NEBL: variants seen among roughly 807,000 people sequenced by gnomAD.
NEBL encodes nebulette.
In NEBL, 122 loss-of-function variants were observed where a neutral mutation model predicts 140.2. The ratio of observed to expected loss-of-function variants is 0.87; its 90% CI spans 0.75 to 1.01. The LOEUF is 1.01. NEBL is among the 50% of genes least tolerant of loss of function. NEBL has a pLI of 0.00. For missense variants in NEBL, 1,365 were observed against 1,231.3 expected (o/e 1.11, Z -1.62); for synonymous variants, 436 against 398.9 (o/e 1.09, Z -1.11).
In NEBL at chr10:21,291,628, A is replaced by C. The variant is rs1843145022; in HGVS notation, n.182+1202T>G. Among the ~76,000 whole-genome samples, 2 of 151,976 alleles carry C rather than the reference A, an allele frequency of 1.3e-5. 1 individual carries two copies. The highest frequency in any genetic ancestry group is 4.2e-4 in the South Asian group (2 of 4,818). ...GATGATGGCAATTATGAAAAATAAA[A>C]ACCAGACCAGGCGCAGTGGCTCACA... On this transcript the variant is annotated intron_variant and non_coding_transcript_variant, in intron 1 of 8. Coordinates refer to the NEBL transcript ENST00000675702.
At chr10:20,864,907 T>G (rs964682019) in intron 7 of NEBL, among the ~76,000 whole-genome samples, 1 of 152,166 alleles carries the variant, frequency 6.6e-6, no homozygotes, top group African/African-American at 2.4e-5. Flanking sequence ...TTATAAAATC[T>G]TATATGACAT....
chr10:21,137,252 T>G (rs1839395088), intron 2 of NEBL, among the ~76,000 whole-genome samples: 1 of 152,210 alleles, frequency 6.6e-6, no homozygotes, highest in African/African-American at 2.4e-5. Flanking sequence ...ATATATTTTT[T>G]CAAAGTATCT....
At chr10:21,240,224 C>T (rs1289277144) in intron 3 of NEBL, among the ~76,000 whole-genome samples, 3 of 152,140 alleles carry the variant, frequency 2.0e-5, no homozygotes, top group Admixed American at 2.0e-4. Context: ...TTGGATTCTC[C>T]CTGTATTTCT....
At chr10:21,054,382 C>T (rs1834917480) in intron 2 of NEBL, among the ~76,000 whole-genome samples, 1 of 152,200 alleles carries the variant, frequency 6.6e-6, no homozygotes, top group South Asian at 2.1e-4. Flanking sequence ...AGGTGACTAG[C>T]TGGCATTGTC....
intron 3 of NEBL, among the ~76,000 whole-genome samples, chr10:21,222,589 T>A (rs1433785350): frequency 6.6e-6 from 1 of 152,206 alleles, no homozygotes; most frequent in African/African-American, 2.4e-5. Context: ...TTGTGTTACT[T>A]TTTTAATTTT....
At chr10:20,898,367 T>C (rs916826570), upstream of NEBL, among the ~76,000 whole-genome samples, 3 of 152,058 alleles carry the variant, frequency 2.0e-5, no homozygotes, top group Non-Finnish European at 4.4e-5. Context: ...TACAAATTTA[T>C]TAAAAATAGT....
chr10:20,887,154 G>A (rs947681094), intron 4 of NEBL, among the ~76,000 whole-genome samples: 3 of 152,196 alleles, frequency 2.0e-5, no homozygotes, highest in African/African-American at 7.2e-5. Context: ...AAATGCAATA[G>A]ATTAAGAATG....
intron 5 of NEBL, among the ~76,000 whole-genome samples, chr10:20,872,059 G>A (rs1844996645): frequency 6.6e-6 from 1 of 152,174 alleles, no homozygotes; most frequent in African/African-American, 2.4e-5. Flanking sequence ...AGAAAAGAAT[G>A]AGGGTAAAAA....
At chr10:21,017,849 A>C (rs1414604832) in intron 3 of NEBL, among the ~76,000 whole-genome samples, 1 of 149,172 alleles carries the variant, frequency 6.7e-6, no homozygotes, top group East Asian at 2.0e-4. Context: ...CCCAAAATAG[A>C]GTCTTGCTCT....
intron 2 of NEBL, among the ~76,000 whole-genome samples, chr10:21,104,202 TCTAA>T (rs1837606950): frequency 6.6e-6 from 1 of 152,354 alleles, no homozygotes; most frequent in East Asian, 1.9e-4. Context: ...CTATAAGTGT[TCTAA>T]CTTTGTTCTT....
At chr10:20,889,971 A>G (rs892208860) in intron 2 of NEBL, 22 bp from the exon 3 acceptor site, 7 of 1,465,672 alleles carry the variant, frequency 4.8e-6, no homozygotes, top group African/African-American at 1.4e-5. Context: ...AATGATTTAC[A>G]TAAGAAGAGA....
At chr10:20,986,093 A>G (rs988049838) in intron 3 of NEBL, among the ~76,000 whole-genome samples, 1 of 152,210 alleles carries the variant, frequency 6.6e-6, no homozygotes, top group South Asian at 2.1e-4. Context: ...TGCTAAATGG[A>G]AAATACATCA....
intron 3 of NEBL, among the ~76,000 whole-genome samples, chr10:20,974,215 C>T (rs1328010644): frequency 6.6e-6 from 1 of 151,792 alleles, no homozygotes; most frequent in Non-Finnish European, 1.5e-5. Flanking sequence ...AATTCAAATA[C>T]TTCGTAAACT....
chr10:21,221,463 A>C (rs1842065976), intron 3 of NEBL, among the ~76,000 whole-genome samples: 2 of 152,212 alleles, frequency 1.3e-5, no homozygotes, highest in Non-Finnish European at 2.9e-5. Flanking sequence ...CATTCTTTCA[A>C]GTCCTACCTA....
chr10:21,250,212 G>C (rs191370320), intron 2 of NEBL, among the ~76,000 whole-genome samples: 144 of 152,316 alleles, frequency 9.5e-4, no homozygotes, highest in Non-Finnish European at 1.6e-3. Context: ...TCCATGAGCT[G>C]AGAAAGGCAG....
upstream of NEBL, among the ~76,000 whole-genome samples, chr10:21,176,600 T>C (rs1435651020): frequency 6.6e-6 from 1 of 152,198 alleles, no homozygotes; most frequent in Non-Finnish European, 1.5e-5. Flanking sequence ...CAGAAACCTG[T>C]CCTCTAGCCA....
rs142369910 is a variant in NEBL at position 21,243,182 on chromosome 10, A to C, written n.348+4739T>G. ...GGAAGTGTCTACTGAGTGAGATTAA[A>C]ATCATGGTAGACATCCATTCAAGAT... On this transcript the variant is annotated intron_variant and non_coding_transcript_variant, in intron 3 of 8. Coordinates refer to the NEBL transcript ENST00000675702. Among the ~76,000 whole-genome samples, 375 of 152,234 alleles carry C rather than the reference A, an allele frequency of 2.5e-3. 4 individuals are homozygous for C. Among genetic ancestry groups the C allele is most frequent in the African/African-American group, 8.0e-3 (331 of 41,556 alleles).
At chr10:21,066,407 T>G (rs566301231) in intron 2 of NEBL, among the ~76,000 whole-genome samples, 8 of 152,246 alleles carry the variant, frequency 5.3e-5, no homozygotes, top group Non-Finnish European at 1.0e-4. Flanking sequence ...AAAATGTTTT[T>G]CATGCTAATG....
intron 26 of NEBL, among the ~76,000 whole-genome samples, chr10:20,796,976 T>C (rs1435464021): frequency 6.6e-6 from 1 of 152,220 alleles, no homozygotes; most frequent in South Asian, 2.1e-4. Flanking sequence ...CAGACACATA[T>C]GTAGCTTCCT....
Sources: allele counts gnomAD v4.1 joint callset (sites outside exome capture counted in the v4.1 genomes callset), GRCh38; gene constraint gnomAD v4.1.1; transcripts MANE v1.5; gene names NCBI Gene and HGNC (gene_info 2026-07-23, HGNC 2026-07-21).